Variants in RDH10 observed in about 807,000 individuals in gnomAD.
The protein encoded by RDH10 is retinol dehydrogenase 10.
In RDH10, 12 loss-of-function variants were observed where a neutral mutation model predicts 30.2. That is an observed-to-expected ratio of 0.40 (90% confidence interval 0.25 to 0.64). The LOEUF (loss-of-function observed/expected upper bound fraction) is 0.64, where lower values mean the gene tolerates loss of function less well. RDH10 is among the 30% of genes least tolerant of loss of function. RDH10 has a pLI of 0.43. For missense variants in RDH10, 268 were observed against 445.2 expected (o/e 0.60, Z 3.58); for synonymous variants, 189 against 172.2 (o/e 1.10, Z -0.76).
rs1586184740 is a variant in RDH10 at position 73,295,397 on chromosome 8, C to G, written c.108C>G (p.Gly36=). Residue 36 remains glycine, a synonymous_variant, in exon 1 of 6, where the codon GGC becomes GGG. Coordinates refer to ENST00000240285, the MANE Select transcript of RDH10 (RefSeq NM_172037.5). The part of the protein sequence containing the change: ...LVRPKEKSVA[G]QVCLITGAGS... ...GGCCCAAGGAGAAGAGCGTGGCGGG[C>G]CAGGTGTGCCTCATCACCGGCGCCG... 1 of 1,551,256 alleles carries G rather than the reference C, an allele frequency of 6.4e-7. No homozygotes were observed.
chr8:73,309,309 A>T (rs1814519231), intron 2 of RDH10, among the ~76,000 whole-genome samples: 1 of 152,214 alleles, frequency 6.6e-6, no homozygotes, highest in Non-Finnish European at 1.5e-5. Flanking sequence ...TTGCTGGATA[A>T]TGGAAGGAAT....
chr8:73,306,897 T>C (rs1281359503), intron 2 of RDH10, among the ~76,000 whole-genome samples: 1 of 152,224 alleles, frequency 6.6e-6, no homozygotes, highest in Non-Finnish European at 1.5e-5. Flanking sequence ...AAGTGGTACT[T>C]ATGTAAACAC....
chr8:73,321,760 G>A (rs2130383150), intron 4 of RDH10: 1 of 453,748 alleles, frequency 2.2e-6, no homozygotes, highest in South Asian at 1.6e-5. Context: ...GCTTGGGTGA[G>A]TTTGAAAGGC....
intron 1 of RDH10, among the ~76,000 whole-genome samples, chr8:73,296,221 T>C (rs1374969749): frequency 1.3e-5 from 2 of 152,168 alleles, no homozygotes; most frequent in African/African-American, 2.4e-5. Context: ...TGAATACTTA[T>C]TAACTAACCT....
At position 73,323,852 on chromosome 8, in the gene RDH10, A is replaced by G. The variant is rs1343708782; in HGVS notation, c.*816A>G. The stretch of plus-strand genomic sequence containing the variant: ...TTTTTAGTAGAGACGGGGTTTCACC[A>G]TGTTGGTCAGGATGGTCTCCATCTC... On this transcript the variant is annotated 3_prime_UTR_variant, in exon 6 of 6. Transcript: ENST00000240285. The G allele has an allele frequency of 6.6e-6, 1 of 152,164 alleles. No individual in the cohort carries two copies. The highest frequency in any genetic ancestry group is 2.4e-5 in the African/African-American group (1 of 41,420). 9.4% of individuals were successfully genotyped at this position (152,164 alleles called of 1,614,324 possible). A position where few individuals can be genotyped will look rare whatever the true frequency, so the allele number is the denominator to read the frequency against.
chr8:73,297,951 C>T (rs577047435), intron 2 of RDH10: 19 of 162,090 alleles, frequency 1.2e-4, no homozygotes, highest in African/African-American at 2.0e-4. Flanking sequence ...CAGGACGCTT[C>T]GGGACTCTCT....
Position 73,320,475 on chromosome 8 carries a change from G to GTT in RDH10, c.625-445_625-444dup, listed in dbSNP as rs55892941. On this transcript the variant is annotated intron_variant, in intron 3 of 5. Coordinates refer to ENST00000240285, the MANE Select transcript of RDH10 (RefSeq NM_172037.5). ...TGTTTTTGTTTTTGTTTTTGTTTTT[G>GTT]TTTTTTTTTTTTTGAGACAGAGTCT... is the stretch of plus-strand genomic sequence containing the variant. Among the ~76,000 whole-genome samples the GTT allele has an allele frequency of 1.2e-3, 160 of 137,462 alleles. 1 individual carries two copies. The highest frequency in any genetic ancestry group is 3.8e-3 in the African/African-American group (145 of 37,724). The allele number at this position is 137,462 out of a possible 152,430, so 90.2% of individuals were successfully genotyped here. A position where few individuals can be genotyped will look rare whatever the true frequency, so the allele number is the denominator to read the frequency against.
At position 73,297,277 on chromosome 8, in the gene RDH10, G is replaced by A. The variant is rs758352706; in HGVS notation, c.373G>A (p.Val125Ile). Residue 125 changes from valine to isoleucine, a missense_variant, in exon 2 of 6, where the codon GTC becomes ATC. Coordinates refer to ENST00000240285, the MANE Select transcript of RDH10 (RefSeq NM_172037.5). ...CTGTGACGTGGGGAAGAGGGAGAAC[G>A]TCTACCTGACGGCTGAAAGAGTCCG... ...YTCDVGKREN[V>I]YLTAERVRKE... 1.9e-6 allele frequency: 3 copies of A among 1,613,978 alleles called. No homozygotes were observed. The highest frequency in any genetic ancestry group is 2.2e-5 in the East Asian group (1 of 44,892).
At position 73,324,353 on chromosome 8, in the gene RDH10, A is replaced by G. The variant is rs540957864; in HGVS notation, c.*1317A>G. On this transcript the variant is annotated 3_prime_UTR_variant, in exon 6 of 6. Transcript: ENST00000240285. ...TGTGCCTTGAATTTGGTATATGTGTATTAGTGAAACATTGTAAAGGTGAAC... is the reference window on the plus strand; with the variant it reads ...TGTGCCTTGAATTTGGTATATGTGTGTTAGTGAAACATTGTAAAGGTGAAC... The G allele has an allele frequency of 6.5e-6, 1 of 152,752 alleles. No homozygotes were observed. The highest frequency in any genetic ancestry group is 2.1e-4 in the South Asian group (1 of 4,832). 9.5% of individuals were successfully genotyped at this position (152,752 alleles called of 1,614,324 possible).
chr8:73,318,389 C>T (rs929370233), intron 2 of RDH10, among the ~76,000 whole-genome samples: 2 of 152,218 alleles, frequency 1.3e-5, no homozygotes, highest in African/African-American at 2.4e-5. Context: ...CTCTGCCTCA[C>T]TGTGTGGCCA....
intron 4 of RDH10, among the ~76,000 whole-genome samples, chr8:73,321,550 C>T (rs1814769651): frequency 2.0e-5 from 3 of 152,090 alleles, no homozygotes; most frequent in South Asian, 4.2e-4. Flanking sequence ...TTGCAGCAAG[C>T]GTATGTAACT....
At chr8:73,315,566 C>G in intron 2 of RDH10, 1 of 455,076 alleles carries the variant, frequency 2.2e-6, no homozygotes, top group Non-Finnish European at 4.4e-6. Flanking sequence ...TGTCACCTAC[C>G]TTGATGTGGT....
intron 2 of RDH10, among the ~76,000 whole-genome samples, chr8:73,298,203 C>T (rs1358421053): frequency 6.6e-6 from 1 of 152,200 alleles, no homozygotes; most frequent in African/African-American, 2.4e-5. Context: ...CTGCACACTG[C>T]TGACCCACTT....
chr8:73,304,496 G>A (rs559320904), intron 2 of RDH10, among the ~76,000 whole-genome samples: 30 of 152,306 alleles, frequency 2.0e-4, no homozygotes, highest in African/African-American at 6.3e-4. Context: ...TTATCTGCCT[G>A]CTTAAAACAC....
At chr8:73,301,631 C>T (rs1033933539) in intron 2 of RDH10, among the ~76,000 whole-genome samples, 1 of 151,862 alleles carries the variant, frequency 6.6e-6, no homozygotes, top group Non-Finnish European at 1.5e-5. Context: ...TGGTGCTAGC[C>T]TGTAATCCCA....
At position 73,294,859 on chromosome 8, in the gene RDH10, G is replaced by T; in HGVS notation, c.-431G>T. 2.6e-6 allele frequency: 1 copy of T among 390,856 alleles called. No individual in the cohort carries two copies. The highest frequency in any genetic ancestry group is 4.5e-6 in the Non-Finnish European group (1 of 220,914). 24.2% of individuals were successfully genotyped at this position (390,856 alleles called of 1,614,324 possible). A position where few individuals can be genotyped will look rare whatever the true frequency, so the allele number is the denominator to read the frequency against. On this transcript the variant is annotated 5_prime_UTR_variant, in exon 1 of 6. Transcript: ENST00000240285. ...CAGCCCGCTGGCCCGTGCCGCCTCC[G>T]CTGCGCACCCCTCCCCCGGGGTGAG...
At chr8:73,302,415 G>A (rs1267033553) in intron 2 of RDH10, among the ~76,000 whole-genome samples, 1 of 152,240 alleles carries the variant, frequency 6.6e-6, no homozygotes, top group Non-Finnish European at 1.5e-5. Flanking sequence ...GCGGGGTGCA[G>A]TGACTCAAGC....
At chr8:73,320,482 T>TTG (rs1814749277) in intron 3 of RDH10, among the ~76,000 whole-genome samples, 1 of 144,436 alleles carries the variant, frequency 6.9e-6, no homozygotes. Flanking sequence ...TTTGTTTTTT[T>TTG]TTTTTTGAGA....
intron 2 of RDH10, among the ~76,000 whole-genome samples, chr8:73,302,243 T>C (rs1409793839): frequency 2.0e-5 from 3 of 152,152 alleles, no homozygotes; most frequent in Non-Finnish European, 4.4e-5. Context: ...TAGTGATAGA[T>C]TTGGGGTAGG....
Sources: gnomAD v4.1 joint callset for allele counts (sites outside exome capture counted in the v4.1 genomes callset) on GRCh38, gnomAD v4.1.1 for gene constraint, MANE v1.5 for transcripts, NCBI Gene and HGNC (gene_info 2026-07-23, HGNC 2026-07-21) for gene names.